The following PTPRG variants were observed in gnomAD, a reference collection of about 807,000 sequenced individuals.
PTPRG encodes protein tyrosine phosphatase receptor type G, also known as receptor-type tyrosine-protein phosphatase gamma.
PTPRG carries 102 observed loss-of-function variants against 165.3 expected under a neutral mutation model. The observed-to-expected ratio is 0.62, with a 90% CI of 0.53 to 0.73. The LOEUF is 0.73. Among genes scored for constraint, PTPRG ranks in the 30% least tolerant of loss-of-function variants. The probability of loss-of-function intolerance (pLI) is 0.00; values close to 1 mark genes in which losing one functional copy is unlikely to be tolerated. For synonymous variants in PTPRG, 675 were observed against 669.5 expected, an observed-to-expected ratio of 1.01 and a Z score of -0.13; for missense variants, 1,866 against 1,861.4, an observed-to-expected ratio of 1.00 and a Z score of -0.05.
At chr3:62,250,276 C>G (rs1701382337) in intron 15 of PTPRG, among the ~76,000 whole-genome samples, 1 of 152,218 alleles carries the variant, frequency 6.6e-6, no homozygotes, top group Non-Finnish European at 1.5e-5. Flanking sequence ...CAGTCTGGCT[C>G]TGGCTTTTCC....
intron 28 of PTPRG, among the ~76,000 whole-genome samples, chr3:62,284,752 T>C (rs1480717134): frequency 6.6e-6 from 1 of 152,060 alleles, no homozygotes; most frequent in Non-Finnish European, 1.5e-5. Context: ...CAGAAACATA[T>C]CAGAGTTATT....
chr3:61,633,894 G>A (rs957611468), intron 1 of PTPRG, among the ~76,000 whole-genome samples: 1 of 149,228 alleles, frequency 6.7e-6, no homozygotes, highest in African/African-American at 2.4e-5. Flanking sequence ...AGTTTGTCGA[G>A]TGGTTTTTTT....
chr3:61,716,599 G>A (rs1219938018), intron 1 of PTPRG, among the ~76,000 whole-genome samples: 1 of 152,088 alleles, frequency 6.6e-6, no homozygotes, highest in East Asian at 1.9e-4. Flanking sequence ...GTTATGAAGT[G>A]TCCTGAAGTC....
At chr3:62,275,618 G>T (rs1341004266) in intron 23 of PTPRG, among the ~76,000 whole-genome samples, 1 of 152,122 alleles carries the variant, frequency 6.6e-6, no homozygotes, top group Non-Finnish European at 1.5e-5. Context: ...TTAAAAATTA[G>T]CTGGTTGTGC....
Position 62,060,127 on chromosome 3 carries a change from G to A in PTPRG, c.520-18036G>A, listed in dbSNP as rs1700759931. Among the ~76,000 whole-genome samples the A allele has an allele frequency of 3.3e-5, 5 of 150,650 alleles. No individual in the cohort carries two copies. The South Asian group carries it at 1.0e-3, about 31-fold the overall frequency. ...CAGCTATTCCCCAGGCAGGAGGATC[G>A]TTTGAGCCCAGGAGGTCGAGGCTGC... is the stretch of plus-strand genomic sequence containing the variant. On this transcript the variant is annotated intron_variant, in intron 4 of 29. Transcript: ENST00000474889.
chr3:61,962,260 A>G (rs369416036), intron 2 of PTPRG, among the ~76,000 whole-genome samples: 3 of 152,224 alleles, frequency 2.0e-5, no homozygotes, highest in African/African-American at 7.2e-5. Flanking sequence ...TAGACTGTCT[A>G]AAAGGAATGT....
At chr3:61,700,839 T>C (rs1326190031) in intron 1 of PTPRG, among the ~76,000 whole-genome samples, 2 of 152,228 alleles carry the variant, frequency 1.3e-5, no homozygotes, top group African/African-American at 2.4e-5. Flanking sequence ...ATTACATCTG[T>C]TACTTTTATA....
At chr3:61,856,095 C>A (rs1298305561) in intron 2 of PTPRG, among the ~76,000 whole-genome samples, 6 of 152,074 alleles carry the variant, frequency 3.9e-5, no homozygotes, top group Non-Finnish European at 8.8e-5. Context: ...GTGATGCCCT[C>A]AGTCTCTTGT....
At chr3:61,626,023 TG>T (rs34165198) in intron 1 of PTPRG, among the ~76,000 whole-genome samples, 1 of 109,744 alleles carries the variant, frequency 9.1e-6, no homozygotes, top group African/African-American at 4.4e-5. Flanking sequence ...TTTTTTTTTT[TG>T]GGGGGGCGGG....
chr3:61,639,600 T>C (rs58603200), intron 1 of PTPRG, among the ~76,000 whole-genome samples: 7,847 of 152,200 alleles, frequency 0.052, 644 homozygotes, highest in African/African-American at 0.18. Flanking sequence ...CAGTATTTCG[T>C]ACTTCTTGTA....
At position 61,993,444 on chromosome 3, in the gene PTPRG, C is replaced by T. The variant is rs375302204; in HGVS notation, c.370+3640C>T. On this transcript the variant is annotated intron_variant, in intron 3 of 29. Transcript: ENST00000474889. ...ATGTTGGTCAGGCTGGTCTCGAACT[C>T]CCAACCTCAGGTGATCCGCCCACTT... 3.0e-4 allele frequency among the ~76,000 whole-genome samples: 46 copies of T among 152,168 alleles called. No individual in the cohort carries two copies. The East Asian group carries it at 7.7e-3, about 26-fold the overall frequency.
At chr3:62,071,156 G>A (rs1321034030) in intron 4 of PTPRG, among the ~76,000 whole-genome samples, 1 of 152,024 alleles carries the variant, frequency 6.6e-6, no homozygotes, top group African/African-American at 2.4e-5. Flanking sequence ...AATGTCTATT[G>A]AGTCGTTCAG....
At chr3:61,853,768 C>T (rs2037030116) in intron 2 of PTPRG, among the ~76,000 whole-genome samples, 1 of 152,128 alleles carries the variant, frequency 6.6e-6, no homozygotes, top group South Asian at 2.1e-4. Context: ...TAAAATATTC[C>T]TTTTGGGGAA....
rs574308180 is a variant in PTPRG, at chr3:61,686,953, TACTTTG to T, written c.86-61917_86-61912del. On this transcript the variant is annotated intron_variant, in intron 1 of 29. Transcript: ENST00000474889. ...GTGAGATAAGGAGTCCATGTTTTTA[TACTTTG>T]ACTTTGATTTATAGAATATATACAT... Among the ~76,000 whole-genome samples, 90 of 152,314 alleles carry T rather than the reference TACTTTG, an allele frequency of 5.9e-4. 2 individuals are homozygous for T. The highest frequency in any genetic ancestry group is 1.3e-3 in the Admixed American group (20 of 15,306).
chr3:61,660,843 A>C (rs966227690), intron 1 of PTPRG, among the ~76,000 whole-genome samples: 6 of 152,024 alleles, frequency 3.9e-5, no homozygotes, highest in Admixed American at 1.3e-4. Flanking sequence ...TCTACTAAAA[A>C]CAGAAAAATT....
intron 2 of PTPRG, among the ~76,000 whole-genome samples, chr3:61,962,069 T>C (rs565648168): frequency 6.6e-6 from 1 of 152,116 alleles, no homozygotes; most frequent in Admixed American, 6.5e-5. Flanking sequence ...TAGGGTTGGG[T>C]TTTAAGTACG....
intron 2 of PTPRG, among the ~76,000 whole-genome samples, chr3:61,945,699 TA>T (rs1488768918): frequency 6.7e-6 from 1 of 150,298 alleles, no homozygotes; most frequent in Non-Finnish European, 1.5e-5. Flanking sequence ...GCTGCAAACA[TA>T]AATATGTCAT....
At chr3:62,068,125 T>C (rs560519986) in intron 4 of PTPRG, among the ~76,000 whole-genome samples, 1 of 152,172 alleles carries the variant, frequency 6.6e-6, no homozygotes, top group Non-Finnish European at 1.5e-5. Context: ...TTAATTTCCT[T>C]CTGTATAAAA....
chr3:61,988,717 A>G (rs188565176), intron 2 of PTPRG, among the ~76,000 whole-genome samples: 50 of 152,298 alleles, frequency 3.3e-4, no homozygotes, highest in Non-Finnish European at 5.6e-4. Context: ...CTTTCCAGTA[A>G]AAGTTGTTTC....
Sources: gnomAD v4.1 joint callset for allele counts (sites outside exome capture counted in the v4.1 genomes callset) on GRCh38, gnomAD v4.1.1 for gene constraint, MANE v1.5 for transcripts, NCBI Gene and HGNC (gene_info 2026-07-23, HGNC 2026-07-21) for gene names.